Variants in STXBP5 observed in about 807,000 individuals in gnomAD.
STXBP5 encodes syntaxin binding protein 5, also known as syntaxin-binding protein 5.
Under a neutral mutation model 152.4 loss-of-function variants are expected in STXBP5, and 50 were observed. The observed-to-expected ratio is 0.33, with a 90% CI of 0.26 to 0.42. The LOEUF (loss-of-function observed/expected upper bound fraction) is 0.42. STXBP5 is among the 10% of genes least tolerant of loss of function. The probability of loss-of-function intolerance (pLI) is 1.00; values close to 1 mark genes in which losing one functional copy is unlikely to be tolerated. For missense variants in STXBP5, 1,167 were observed against 1,388.6 expected (o/e 0.84, Z 2.54); for synonymous variants, 492 against 494.7 (o/e 0.99, Z 0.07).
At chr6:147,295,946 C>G (rs1781498909) in intron 9 of STXBP5, among the ~76,000 whole-genome samples, 1 of 152,184 alleles carries the variant, frequency 6.6e-6, no homozygotes, top group African/African-American at 2.4e-5. Context: ...TGAGGCTCCA[C>G]TGTCATTCCA....
At position 147,340,442 on chromosome 6, in the gene STXBP5, G is replaced by A. The variant is rs542775378; in HGVS notation, c.2254+1058G>A. Among the ~76,000 whole-genome samples the A allele has an allele frequency of 2.6e-5, 4 of 151,992 alleles. No homozygotes were observed. The East Asian group carries it at 5.8e-4, about 22-fold the overall frequency. ...ATCAATTATTTATCTTTGTATTTGT[G>A]GGGTTTTAGTGACTCTTTTGGTAAT... On this transcript the variant is annotated intron_variant, in intron 21 of 27. Coordinates refer to ENST00000321680, the MANE Select transcript of STXBP5 (RefSeq NM_001127715.4).
At chr6:147,290,797 C>T (rs1781240371) in intron 8 of STXBP5, among the ~76,000 whole-genome samples, 1 of 152,166 alleles carries the variant, frequency 6.6e-6, no homozygotes, top group African/African-American at 2.4e-5. Flanking sequence ...TTCTATGTTG[C>T]TTATCTGCAA....
In STXBP5 at chr6:147,359,098, TC is replaced by T; in HGVS notation, c.2322del (p.Phe775LeufsTer9). 1 of 1,613,860 alleles carries T rather than the reference TC, an allele frequency of 6.2e-7. No individual in the cohort carries two copies. Among genetic ancestry groups the T allele is most frequent in the Non-Finnish European group, 8.5e-7 (1 of 1,179,854 alleles). On this transcript the variant is annotated frameshift_variant, in exon 23 of 28. Transcript: ENST00000321680. LOFTEE classifies it high-confidence loss of function. ...AACCATTTCAGATGTAAAGGATAAC[TC>T]CTTTAGCCGATCACGGAGTTCAAGT... ...LKPDLDVKDN[S>X]FSRSRSSSVT... is the part of the protein sequence containing the mutation.
At chr6:147,266,685 G>T (rs1248715646) in intron 6 of STXBP5, among the ~76,000 whole-genome samples, 1 of 152,150 alleles carries the variant, frequency 6.6e-6, no homozygotes, top group African/African-American at 2.4e-5. Context: ...CTGGAATTAT[G>T]TGTCTGAATC....
chr6:147,275,309 C>G (rs1055643109), intron 7 of STXBP5, among the ~76,000 whole-genome samples: 1 of 151,962 alleles, frequency 6.6e-6, no homozygotes, highest in African/African-American at 2.4e-5. Flanking sequence ...TTTTAAAGAG[C>G]TTTTAGAATT....
chr6:147,213,942 A>G (rs1330871106), intron 2 of STXBP5, among the ~76,000 whole-genome samples: 7 of 152,184 alleles, frequency 4.6e-5, no homozygotes, highest in Non-Finnish European at 7.4e-5. Flanking sequence ...GGGAAGCAAA[A>G]CAAAGTGATT....
At chr6:147,230,868 G>A (rs1777967060) in intron 2 of STXBP5, among the ~76,000 whole-genome samples, 1 of 151,790 alleles carries the variant, frequency 6.6e-6, no homozygotes, top group Non-Finnish European at 1.5e-5. Context: ...ACTATTGTGA[G>A]ATAATACATA....
intron 26 of STXBP5, among the ~76,000 whole-genome samples, chr6:147,377,209 T>C (rs1785853198): frequency 6.6e-6 from 1 of 152,190 alleles, no homozygotes; most frequent in Non-Finnish European, 1.5e-5. Flanking sequence ...TAAATCCTCA[T>C]GTTTGAAAAC....
At chr6:147,361,729 A>G (rs923830600) in intron 23 of STXBP5, among the ~76,000 whole-genome samples, 1 of 152,208 alleles carries the variant, frequency 6.6e-6, no homozygotes, top group African/African-American at 2.4e-5. Context: ...TACATACTAG[A>G]ACAATATATG....
intron 23 of STXBP5, among the ~76,000 whole-genome samples, chr6:147,359,967 C>T (rs564175430): frequency 2.0e-5 from 3 of 151,992 alleles, no homozygotes; most frequent in African/African-American, 7.3e-5. Context: ...ACAAACAACC[C>T]CATCAAAAAG....
chr6:147,327,196 G>T lies in STXBP5; in HGVS notation c.2000G>T (p.Gly667Val). The T allele has an allele frequency of 2.5e-6, 4 of 1,614,024 alleles. No homozygotes were observed. The South Asian group carries it at 4.4e-5, about 18-fold the overall frequency. Residue 667 changes from glycine to valine, a missense_variant, in exon 18 of 28, where the codon GGC becomes GTC. Gly to Val is a moderately radical substitution (Grantham distance 109). Around this residue, in one of 3 missense-constraint regions of STXBP5, gnomAD observed 833 missense variants for 986.3 expected, o/e 0.84. Transcript: ENST00000321680. Reference protein sequence around the residue: ...YLQKAVLLNLGTIELYGSNDP... With the variant: ...YLQKAVLLNLVTIELYGSNDP... ...CAGAAAGCAGTGCTGCTCAACCTGG[G>T]CACTATTGAATTATATGGCTCTAAT...
intron 3 of STXBP5, 130 bp downstream of exon 3, chr6:147,235,461 ATAG>A (rs1167924077): frequency 4.4e-6 from 3 of 689,284 alleles, no homozygotes; most frequent in Non-Finnish European, 7.2e-6. Flanking sequence ...TGGATCAGAA[ATAG>A]TAGTAATTCG....
intron 26 of STXBP5, among the ~76,000 whole-genome samples, chr6:147,377,183 A>G (rs1004788519): frequency 1.3e-5 from 2 of 152,204 alleles, no homozygotes; most frequent in South Asian, 2.1e-4. Flanking sequence ...CTTGTAATCA[A>G]TAACAAAGAT....
chr6:147,245,434 A>C (rs932942116), intron 4 of STXBP5, among the ~76,000 whole-genome samples: 2 of 152,142 alleles, frequency 1.3e-5, no homozygotes, highest in African/African-American at 2.4e-5. Context: ...CAGCTCAGGG[A>C]TTTGTCTGCT....
chr6:147,254,075 G>A (rs1265881367), intron 4 of STXBP5, among the ~76,000 whole-genome samples: 1 of 152,104 alleles, frequency 6.6e-6, no homozygotes, highest in African/African-American at 2.4e-5. Context: ...AAAATAGCAT[G>A]GTACTGGTAC....
chr6:147,221,809 C>T (rs956125868), intron 2 of STXBP5, among the ~76,000 whole-genome samples: 6 of 150,828 alleles, frequency 4.0e-5, no homozygotes, highest in East Asian at 1.9e-4. Context: ...GGTTGGTATC[C>T]GACATTGATT....
chr6:147,322,774 A>G (rs969404113), intron 16 of STXBP5, among the ~76,000 whole-genome samples: 1 of 152,210 alleles, frequency 6.6e-6, no homozygotes, highest in African/African-American at 2.4e-5. Context: ...GTCACACACT[A>G]AAATTGTTCA....
chr6:147,376,242 T>G (rs1785804150), intron 26 of STXBP5, among the ~76,000 whole-genome samples: 1 of 152,168 alleles, frequency 6.6e-6, no homozygotes, highest in African/African-American at 2.4e-5. Flanking sequence ...ATTCTTGAAT[T>G]TTTTGGGAAA....
At chr6:147,289,599 T>C (rs956408474) in intron 8 of STXBP5, among the ~76,000 whole-genome samples, 8 of 152,126 alleles carry the variant, frequency 5.3e-5, no homozygotes, top group African/African-American at 1.9e-4. Flanking sequence ...ATTTATTTTC[T>C]AATACAAGGA....
Sources: gnomAD v4.1 joint callset for allele counts (sites outside exome capture counted in the v4.1 genomes callset) on GRCh38, gnomAD v4.1.1 for gene constraint, gnomAD v4.1.1 regional missense constraint, MANE v1.5 for transcripts, NCBI Gene and HGNC (gene_info 2026-07-23, HGNC 2026-07-21) for gene names.